Variants in EPHA7 observed in about 807,000 individuals in gnomAD.
EPHA7 encodes the protein ephrin type-A receptor 7.
In EPHA7, 25 loss-of-function variants were observed where a neutral mutation model predicts 112.6. The observed-to-expected ratio is 0.22, with a 90% confidence interval of 0.16 to 0.31. The LOEUF (loss-of-function observed/expected upper bound fraction) is 0.31, where lower values mean the gene tolerates loss of function less well. EPHA7 is among the 10% of genes least tolerant of loss of function. EPHA7 has a pLI of 1.00. For missense variants in EPHA7, 962 were observed against 1,212.6 expected (o/e 0.79, Z 3.07); for synonymous variants, 437 against 406.5 (o/e 1.07, Z -0.90).
At chr6:93,310,271 C>T (rs1287126932) in intron 5 of EPHA7, among the ~76,000 whole-genome samples, 2 of 152,112 alleles carry the variant, frequency 1.3e-5, no homozygotes, top group African/African-American at 4.8e-5. Flanking sequence ...TATTGTGATA[C>T]GCACTGAAAA....
rs1194411051 is a variant in EPHA7, at chr6:93,285,748, G to A, written c.1325-13326C>T. Among the ~76,000 whole-genome samples the A allele has an allele frequency of 3.9e-5, 6 of 151,968 alleles. No homozygotes were observed. In the South Asian group the frequency reaches 6.2e-4, roughly 16 times the overall value. ...CTTCTCTTGCCACATATGAAGTTCC[G>A]GCTTTATTCCTAAATAATCTCCAGC... On this transcript the variant is annotated intron_variant, in intron 5 of 16. Transcript: ENST00000369303.
Position 93,245,301 on chromosome 6 carries a change from A to G in EPHA7, c.2879T>C (p.Ile960Thr), listed in dbSNP as rs781371840. The part of the protein sequence containing the change: ...NSLESVARMT[I>T]EDVMSLGITL... ...AATTTTAAGAGTTTAAGCTTACTCA[A>G]TAGTCATCCTGGCTACTGATTCAAG... Residue 960 changes from isoleucine (I) to threonine (T), a missense_variant, in exon 16 of 17, where the codon ATT becomes ACT. Around this residue, in one of 3 missense-constraint regions of EPHA7, gnomAD observed 746 missense variants for 889.2 expected, o/e 0.84. Coordinates refer to ENST00000369303, the MANE Select transcript of EPHA7 (RefSeq NM_004440.4). 4 of 1,612,564 alleles carry G rather than the reference A, an allele frequency of 2.5e-6. No individual in the cohort carries two copies. The highest frequency in any genetic ancestry group is 3.4e-6 in the Non-Finnish European group (4 of 1,179,650).
intron 5 of EPHA7, among the ~76,000 whole-genome samples, chr6:93,354,496 C>T (rs936551491): frequency 4.0e-5 from 6 of 150,982 alleles, no homozygotes; most frequent in African/African-American, 9.7e-5. Context: ...TTCTTTTCAT[C>T]GAGGTATAAT....
chr6:93,416,166 C>T (rs894517251), intron 1 of EPHA7, among the ~76,000 whole-genome samples: 2 of 151,954 alleles, frequency 1.3e-5, no homozygotes, highest in Admixed American at 1.3e-4. Flanking sequence ...TTCAAAATGC[C>T]AATTTGAATT....
intron 3 of EPHA7, among the ~76,000 whole-genome samples, chr6:93,408,037 G>A (rs895969569): frequency 4.0e-5 from 6 of 151,884 alleles, no homozygotes; most frequent in African/African-American, 7.2e-5. Flanking sequence ...AAATAAATGA[G>A]TTAAATTATA....
At chr6:93,278,317 C>A (rs919141472) in intron 5 of EPHA7, among the ~76,000 whole-genome samples, 6 of 151,908 alleles carry the variant, frequency 3.9e-5, no homozygotes, top group Non-Finnish European at 5.9e-5. Context: ...ATGTGTAACA[C>A]CTCATAAATT....
chr6:93,281,875 T>C (rs1771757893), intron 5 of EPHA7, among the ~76,000 whole-genome samples: 1 of 152,106 alleles, frequency 6.6e-6, no homozygotes, highest in South Asian at 2.1e-4. Flanking sequence ...AAATTTGATG[T>C]ACAATAACTG....
In EPHA7 at chr6:93,324,108, C is replaced by T. The variant is rs142856102; in HGVS notation, c.1324+32609G>A. On this transcript the variant is annotated intron_variant, in intron 5 of 16. Coordinates refer to ENST00000369303, the MANE Select transcript of EPHA7 (RefSeq NM_004440.4). Reference sequence around the variant, plus strand: ...TTCACCTAAGGCAGAAGTATTGCTACTGTCTTTTGATGTGTTTCCTTACAA... The same window carrying T: ...TTCACCTAAGGCAGAAGTATTGCTATTGTCTTTTGATGTGTTTCCTTACAA... Among the ~76,000 whole-genome samples, 51 of 151,534 alleles carry T rather than the reference C, an allele frequency of 3.4e-4. 1 individual carries two copies. Among genetic ancestry groups the T allele is most frequent in the African/African-American group, 1.2e-3 (50 of 41,454 alleles).
In EPHA7 at chr6:93,269,456, C is replaced by A. The variant is rs536347428; in HGVS notation, c.1633+21G>T. 4.0e-5 allele frequency: 65 copies of A among 1,606,072 alleles called. No homozygotes were observed. In the Middle Eastern group the frequency reaches 5.0e-4, roughly 12 times the overall value. Reference sequence around the variant, plus strand: ...TGCTAGAGTTATTGAGAGTAGGAATCCAAACCAAAGGCATAATTACCTTCA... The same window carrying A: ...TGCTAGAGTTATTGAGAGTAGGAATACAAACCAAAGGCATAATTACCTTCA... On this transcript the variant is annotated intron_variant, in intron 7 of 16. Transcript: ENST00000369303.
At chr6:93,400,333 A>G (rs1011999607) in intron 3 of EPHA7, among the ~76,000 whole-genome samples, 3 of 152,128 alleles carry the variant, frequency 2.0e-5, no homozygotes, top group Non-Finnish European at 4.4e-5. Flanking sequence ...GGGAACATAT[A>G]AATCACTGGA....
At chr6:93,327,304 T>A (rs554544659) in intron 5 of EPHA7, among the ~76,000 whole-genome samples, 1 of 151,640 alleles carries the variant, frequency 6.6e-6, no homozygotes, top group South Asian at 2.1e-4. Context: ...CAATGGCCAT[T>A]CATTCTCTGT....
intron 3 of EPHA7, among the ~76,000 whole-genome samples, chr6:93,397,290 A>T (rs1778226374): frequency 6.6e-6 from 1 of 151,872 alleles, no homozygotes; most frequent in Non-Finnish European, 1.5e-5. Flanking sequence ...AATAATTTCA[A>T]ATATGTATAT....
intron 3 of EPHA7, among the ~76,000 whole-genome samples, chr6:93,364,667 AT>A (rs1398576184): frequency 4.6e-5 from 7 of 152,090 alleles, no homozygotes; most frequent in Non-Finnish European, 1.0e-4. Context: ...TATACTCTAT[AT>A]GCATCAAATT....
intron 1 of EPHA7, among the ~76,000 whole-genome samples, chr6:93,418,121 C>G (rs1779336972): frequency 6.6e-6 from 1 of 150,658 alleles, no homozygotes; most frequent in Non-Finnish European, 1.5e-5. Context: ...TTTAACAGAT[C>G]GAAAAATGAA....
intron 5 of EPHA7, among the ~76,000 whole-genome samples, chr6:93,299,255 G>A (rs1772839403): frequency 6.6e-6 from 1 of 151,962 alleles, no homozygotes; most frequent in African/African-American, 2.4e-5. Flanking sequence ...GAACCCGGGA[G>A]GCGGAGCTTG....
At chr6:93,341,639 T>C (rs955434363) in intron 5 of EPHA7, among the ~76,000 whole-genome samples, 1 of 151,874 alleles carries the variant, frequency 6.6e-6, no homozygotes, top group East Asian at 1.9e-4. Flanking sequence ...CTTCAATTCA[T>C]ATAAACCTTA....
intron 6 of EPHA7, among the ~76,000 whole-genome samples, chr6:93,270,540 A>G (rs1314905274): frequency 6.6e-6 from 1 of 151,694 alleles, no homozygotes; most frequent in Non-Finnish European, 1.5e-5. Context: ...TAAAAATTAT[A>G]CTTCATAATA....
intron 14 of EPHA7, among the ~76,000 whole-genome samples, chr6:93,250,286 T>C (rs1382180280): frequency 6.6e-6 from 1 of 152,116 alleles, no homozygotes. Flanking sequence ...ACTTTGAGGT[T>C]CTGCAGTTTT....
chr6:93,370,312 TCTC>T (rs1776725639), intron 3 of EPHA7, among the ~76,000 whole-genome samples: 6 of 152,122 alleles, frequency 3.9e-5, no homozygotes, highest in Non-Finnish European at 8.8e-5. Flanking sequence ...TAAGAAACTA[TCTC>T]TCTTTAAATA....
Sources: allele counts gnomAD v4.1 joint callset (sites outside exome capture counted in the v4.1 genomes callset), GRCh38; gene constraint gnomAD v4.1.1; regional missense constraint gnomAD v4.1.1; transcripts MANE v1.5; gene names NCBI Gene and HGNC (gene_info 2026-07-23, HGNC 2026-07-21).